IQSEC3: variants seen among roughly 807,000 people sequenced by gnomAD.
The protein encoded by IQSEC3 is IQ motif and SEC7 domain-containing protein 3.
A neutral mutation model predicts 105.4 loss-of-function variants in IQSEC3; 50 were observed. That is an observed-to-expected ratio of 0.47 (90% CI 0.38 to 0.60). IQSEC3 has a LOEUF of 0.60. Among genes scored for constraint, IQSEC3 ranks in the 20% least tolerant of loss-of-function variants. IQSEC3 has a pLI of 0.00. For synonymous variants in IQSEC3, 708 were observed against 746.0 expected (o/e 0.95, Z 0.83); for missense variants, 1,415 against 1,630.0 (o/e 0.87, Z 2.27).
chr12:135,062 G>A (rs1156731985), intron 3 of IQSEC3, among the ~76,000 whole-genome samples: 5 of 152,160 alleles, frequency 3.3e-5, no homozygotes, highest in African/African-American at 4.8e-5. Flanking sequence ...CCCAGGAGGC[G>A]GAGGTTATGG....
chr12:128,719 C>CAGGCCA (rs1440504236), intron 3 of IQSEC3, among the ~76,000 whole-genome samples: 1 of 152,178 alleles, frequency 6.6e-6, no homozygotes, highest in African/African-American at 2.4e-5. Flanking sequence ...CCCAGGAGGC[C>CAGGCCA]AGGCCATCCT....
chr12:157,448 T>C, intron 6 of IQSEC3, 80 bp from the exon 7 acceptor site: 2 of 1,287,028 alleles, frequency 1.6e-6, no homozygotes, highest in South Asian at 2.9e-5. Flanking sequence ...GGATACCCCC[T>C]GGACACCCCC....
chr12:101,904 C>G (rs1357582113), intron 2 of IQSEC3, among the ~76,000 whole-genome samples: 6 of 152,166 alleles, frequency 3.9e-5, no homozygotes, highest in Non-Finnish European at 7.4e-5. Context: ...AAACCTCATC[C>G]CTTCCCCTAG....
chr12:78,777 T>G (rs1336332108), intron 1 of IQSEC3, among the ~76,000 whole-genome samples: 1 of 151,962 alleles, frequency 6.6e-6, no homozygotes, highest in Admixed American at 6.6e-5. Context: ...CTGGGAAAAT[T>G]CAGGGGTGAT....
chr12:88,912 T>C (rs1244504096), intron 1 of IQSEC3, among the ~76,000 whole-genome samples: 1 of 152,246 alleles, frequency 6.6e-6, no homozygotes, highest in Non-Finnish European at 1.5e-5. Context: ...ATATTCATTA[T>C]AAGGTTTTGC....
Position 141,159 on chromosome 12 carries a change from G to C in IQSEC3, c.2027G>C (p.Arg676Pro). The change falls in exon 5 of 14, where the codon CGC (arginine) becomes CCC (proline). Residue 676 changes from arginine (R) to proline (P), a missense_variant. Coordinates refer to ENST00000538872, the MANE Select transcript of IQSEC3 (RefSeq NM_001170738.2). ...AAGGGCATCCAGTTCCTGATCTCACGCGGCTTCATCCCGGACACCCCCATC... is the reference window on the plus strand; with the variant it reads ...AAGGGCATCCAGTTCCTGATCTCACCCGGCTTCATCCCGGACACCCCCATC... ...PDKGIQFLIS[R>P]GFIPDTPIGV... The C allele has an allele frequency of 6.5e-7, 1 of 1,538,662 alleles. No individual in the cohort carries two copies. Among genetic ancestry groups the C allele is most frequent in the Non-Finnish European group, 8.8e-7 (1 of 1,137,360 alleles).
chr12:107,661 C>T (rs1220872151), intron 2 of IQSEC3, among the ~76,000 whole-genome samples: 4 of 152,074 alleles, frequency 2.6e-5, no homozygotes, highest in East Asian at 1.9e-4. Flanking sequence ...CCGCCCACCT[C>T]GGCCTCCCAA....
intron 2 of IQSEC3, among the ~76,000 whole-genome samples, chr12:116,722 G>T (rs1199878204): frequency 5.3e-5 from 8 of 152,170 alleles, no homozygotes; most frequent in African/African-American, 1.9e-4. Flanking sequence ...GACCCTGACT[G>T]CTCCTGAGGC....
intron 1 of IQSEC3, among the ~76,000 whole-genome samples, chr12:76,121 CACACACACACAA>C (rs1365770925): frequency 1.8e-4 from 27 of 151,486 alleles, no homozygotes; most frequent in Non-Finnish European, 3.5e-4. Context: ...CACACACACA[CACACACACACAA>C]GGCCTCAGCA....
rs1555099491 is a variant in IQSEC3, at chr12:169,082, A to C, written c.3041A>C (p.Gln1014Pro). 1 of 1,613,980 alleles carries C rather than the reference A, an allele frequency of 6.2e-7. No individual in the cohort carries two copies. Among genetic ancestry groups the C allele is most frequent in the East Asian group, 2.2e-5 (1 of 44,878 alleles). ...FKPCGAQGDP[Q>P]SKQGSPTAKR... ...CCCTGCGGAGCCCAGGGGGACCCAC[A>C]GTCAAAGCAAGGATCGCCGACAGGT... The change falls in exon 12 of 14, where the codon CAG becomes CCG. Residue 1014 changes from glutamine to proline, a missense_variant. This residue lies in a region of IQSEC3 where 419 missense variants were observed against 436.2 expected (regional missense o/e 0.96). Coordinates refer to ENST00000538872, the MANE Select transcript of IQSEC3 (RefSeq NM_001170738.2).
intron 2 of IQSEC3, among the ~76,000 whole-genome samples, chr12:120,222 C>T (rs782719784): frequency 2.3e-4 from 35 of 152,160 alleles, no homozygotes; most frequent in Non-Finnish European, 4.1e-4. Context: ...GGACTGACTC[C>T]TCCTGGGGAA....
At chr12:161,670 G>T (rs1866895696) in intron 7 of IQSEC3, among the ~76,000 whole-genome samples, 1 of 152,190 alleles carries the variant, frequency 6.6e-6, no homozygotes, top group South Asian at 2.1e-4. Context: ...AGGTGGGCGT[G>T]AAGACTCTGG....
At chr12:74,941 C>A (rs1454511681) in intron 1 of IQSEC3, among the ~76,000 whole-genome samples, 4 of 152,232 alleles carry the variant, frequency 2.6e-5, no homozygotes, top group Non-Finnish European at 5.9e-5. Flanking sequence ...GACGATGGAC[C>A]AAAAGAGCCC....
intron 7 of IQSEC3, 62 bp from the exon 8 acceptor site, chr12:161,864 C>G: frequency 6.7e-7 from 1 of 1,488,084 alleles, no homozygotes; most frequent in African/African-American, 1.4e-5. Context: ...CTGTCTGGCT[C>G]CAGGGCTCTG....
In IQSEC3 at chr12:175,091, C is replaced by T; in HGVS notation, c.*58C>T. ...GCTGGCCACTGGGGGGCCTGGGCTG[C>T]CCCTCCACTGCTCCCCATACCCTGG... On this transcript the variant is annotated 3_prime_UTR_variant, in exon 14 of 14. Transcript: ENST00000538872. The T allele has an allele frequency of 7.6e-7, 1 of 1,310,862 alleles. No homozygotes were observed. Among genetic ancestry groups the T allele is most frequent in the Non-Finnish European group, 1.0e-6 (1 of 978,430 alleles). 81.2% of individuals were successfully genotyped at this position (1,310,862 alleles called of 1,614,324 possible). A position where few individuals can be genotyped will look rare whatever the true frequency, so the allele number is the denominator to read the frequency against.
intron 7 of IQSEC3, among the ~76,000 whole-genome samples, chr12:159,054 C>T (rs1457285929): frequency 1.3e-5 from 2 of 152,194 alleles, no homozygotes; most frequent in African/African-American, 4.8e-5. Context: ...CTGACCCATC[C>T]CACTCACGTC....
chr12:79,011 T>TCCTTC (rs1565379932), intron 1 of IQSEC3, among the ~76,000 whole-genome samples: 1 of 152,174 alleles, frequency 6.6e-6, no homozygotes, highest in African/African-American at 2.4e-5. Flanking sequence ...CAGATAGCCA[T>TCCTTC]CCTTCCCTTC....
chr12:104,333 G>A (rs1300461207), intron 2 of IQSEC3, among the ~76,000 whole-genome samples: 5 of 152,144 alleles, frequency 3.3e-5, no homozygotes, highest in African/African-American at 1.2e-4. Flanking sequence ...AAGCGCTCAA[G>A]AGAAATCCTC....
chr12:90,826 G>A (rs1864060027), intron 1 of IQSEC3, among the ~76,000 whole-genome samples: 2 of 151,976 alleles, frequency 1.3e-5, no homozygotes, highest in African/African-American at 2.4e-5. Context: ...AGGAATCAGA[G>A]GTTTCTGAAA....
Sources: allele counts gnomAD v4.1 joint callset (sites outside exome capture counted in the v4.1 genomes callset), GRCh38; gene constraint gnomAD v4.1.1; regional missense constraint gnomAD v4.1.1; transcripts MANE v1.5; gene names NCBI Gene and HGNC (gene_info 2026-07-23, HGNC 2026-07-21).